The following RBMS3 variants were observed in gnomAD, a reference collection of about 807,000 sequenced individuals.
The protein encoded by RBMS3 is RNA-binding motif, single-stranded-interacting protein 3.
RBMS3 carries 27 observed loss-of-function variants against 66.8 expected under a neutral mutation model. The observed-to-expected ratio is 0.40, with a 90% CI of 0.30 to 0.56. The LOEUF (loss-of-function observed/expected upper bound fraction) is 0.56, where lower values mean the gene tolerates loss of function less well. RBMS3 is among the 20% of genes least tolerant of loss of function. RBMS3 has a pLI of 0.40. For synonymous variants in RBMS3, 188 were observed against 183.0 expected (o/e 1.03, Z -0.22); for missense variants, 513 against 549.5 (o/e 0.93, Z 0.66).
At chr3:29,632,549 C>G (rs2049321688) in intron 4 of RBMS3, among the ~76,000 whole-genome samples, 1 of 151,820 alleles carries the variant, frequency 6.6e-6, no homozygotes, top group Non-Finnish European at 1.5e-5. Flanking sequence ...ACTTGGGAAT[C>G]TTATTCCTGT....
At chr3:29,802,244 G>A (rs72846883) in intron 6 of RBMS3, among the ~76,000 whole-genome samples, 3,269 of 152,192 alleles carry the variant, frequency 0.021, 119 homozygotes, top group African/African-American at 0.074. Context: ...ATTTGCTCAC[G>A]TACTGCTATT....
chr3:29,694,743 C>T lies in RBMS3; in HGVS notation c.400-44977C>T, dbSNP rs188524452. On this transcript the variant is annotated intron_variant, in intron 4 of 14. Transcript: ENST00000383767. ...CAAGTGACTGTCCTAAATGTTGTGGCTAAAGAGGAGGAAGCATAAAAAAAT... is the reference window on the plus strand; with the variant it reads ...CAAGTGACTGTCCTAAATGTTGTGGTTAAAGAGGAGGAAGCATAAAAAAAT... Among the ~76,000 whole-genome samples, 358 of 151,922 alleles carry T rather than the reference C, an allele frequency of 2.4e-3. 3 individuals carry two copies. The highest frequency in any genetic ancestry group is 2.4e-3 in the Non-Finnish European group (163 of 67,974).
At chr3:29,394,589 G>T (rs2039460916) in intron 1 of RBMS3, among the ~76,000 whole-genome samples, 2 of 152,184 alleles carry the variant, frequency 1.3e-5, no homozygotes, top group South Asian at 4.1e-4. Context: ...ACAGGTGTAA[G>T]AAATTATAAA....
At chr3:29,918,477 C>T (rs2060692919) in intron 10 of RBMS3, among the ~76,000 whole-genome samples, 1 of 152,088 alleles carries the variant, frequency 6.6e-6, no homozygotes, top group Non-Finnish European at 1.5e-5. Context: ...TTTGATCTGA[C>T]AGGCACATGC....
chr3:29,703,248 G>C (rs1345468098), intron 4 of RBMS3, among the ~76,000 whole-genome samples: 1 of 152,198 alleles, frequency 6.6e-6, no homozygotes, highest in Non-Finnish European at 1.5e-5. Context: ...CTACGGAGCT[G>C]TACTGTCTTC....
intron 6 of RBMS3, among the ~76,000 whole-genome samples, chr3:29,823,925 T>A (rs541897881): frequency 6.6e-6 from 1 of 152,272 alleles, no homozygotes; most frequent in East Asian, 1.9e-4. Context: ...CATGCTTATC[T>A]TTATTCCCTT....
At chr3:29,426,776 G>A (rs908965216) in intron 1 of RBMS3, among the ~76,000 whole-genome samples, 19 of 152,206 alleles carry the variant, frequency 1.2e-4, no homozygotes, top group African/African-American at 3.9e-4. Context: ...AACTAGAACT[G>A]AGAAGGCAAC....
At chr3:29,469,201 A>T (rs1233262040) in intron 2 of RBMS3, among the ~76,000 whole-genome samples, 1 of 152,140 alleles carries the variant, frequency 6.6e-6, no homozygotes, top group African/African-American at 2.4e-5. Flanking sequence ...AATAGTGATA[A>T]CATTTTAACT....
chr3:29,636,255 C>G (rs1009897251), intron 4 of RBMS3, among the ~76,000 whole-genome samples: 8 of 151,792 alleles, frequency 5.3e-5, no homozygotes, highest in African/African-American at 1.9e-4. Context: ...TTGCCACCAG[C>G]TCAGGAAATG....
chr3:29,594,897 T>C (rs911355884), intron 4 of RBMS3, among the ~76,000 whole-genome samples: 1 of 152,232 alleles, frequency 6.6e-6, no homozygotes, highest in Admixed American at 6.5e-5. Flanking sequence ...CTGTGGGTAC[T>C]ACCCTCTGCT....
At chr3:29,726,427 T>A (rs1279132440) in intron 4 of RBMS3, among the ~76,000 whole-genome samples, 1 of 152,166 alleles carries the variant, frequency 6.6e-6, no homozygotes. Flanking sequence ...TTGTCTCTGT[T>A]TGCAGATGAC....
intron 4 of RBMS3, among the ~76,000 whole-genome samples, chr3:29,689,822 G>T (rs1047554891): frequency 7.0e-6 from 1 of 143,158 alleles, no homozygotes; most frequent in South Asian, 2.3e-4. Context: ...GCTCATGCAT[G>T]TAATCCCAAC....
chr3:29,443,550 A>G (rs543794396), intron 2 of RBMS3, among the ~76,000 whole-genome samples: 1 of 152,326 alleles, frequency 6.6e-6, no homozygotes, highest in South Asian at 2.1e-4. Flanking sequence ...GGCAGATAAT[A>G]TTCAGAAATA....
At chr3:29,550,851 G>A (rs1378418430) in intron 3 of RBMS3, among the ~76,000 whole-genome samples, 2 of 152,098 alleles carry the variant, frequency 1.3e-5, no homozygotes, top group South Asian at 4.2e-4. Context: ...GCCTTGACCC[G>A]GAAGCAGCAC....
chr3:29,678,172 T>C (rs2051331708), intron 4 of RBMS3, among the ~76,000 whole-genome samples: 1 of 152,200 alleles, frequency 6.6e-6, no homozygotes, highest in Admixed American at 6.5e-5. Flanking sequence ...CAATTCCTGT[T>C]AATACATGAT....
intron 12 of RBMS3, among the ~76,000 whole-genome samples, chr3:29,979,843 C>T (rs1239513172): frequency 3.3e-5 from 5 of 152,224 alleles, no homozygotes; most frequent in East Asian, 3.9e-4. Context: ...CATTGAAGGG[C>T]GTTTGGGTTG....
intron 4 of RBMS3, among the ~76,000 whole-genome samples, chr3:29,607,996 A>G (rs2048367661): frequency 6.6e-6 from 1 of 152,018 alleles, no homozygotes; most frequent in African/African-American, 2.4e-5. Flanking sequence ...TGTAATTTAC[A>G]TGGTACGAGA....
At chr3:29,610,334 A>T (rs959632854) in intron 4 of RBMS3, among the ~76,000 whole-genome samples, 14 of 152,062 alleles carry the variant, frequency 9.2e-5, no homozygotes, top group African/African-American at 3.1e-4. Context: ...ATAATTTGTC[A>T]TGTTCTTTCT....
chr3:29,754,368 A>G (rs144742957), intron 5 of RBMS3, among the ~76,000 whole-genome samples: 227 of 152,330 alleles, frequency 1.5e-3, no homozygotes, highest in Non-Finnish European at 2.4e-3. Context: ...TGGAACTCCT[A>G]CCTTACAGTA....
Sources: gnomAD v4.1 joint callset for allele counts (sites outside exome capture counted in the v4.1 genomes callset) on GRCh38, gnomAD v4.1.1 for gene constraint, MANE v1.5 for transcripts, NCBI Gene and HGNC (gene_info 2026-07-23, HGNC 2026-07-21) for gene names.